Variants in CEACAM1 observed in about 807,000 individuals in gnomAD.
CEACAM1 encodes CEA cell adhesion molecule 1.
A neutral mutation model predicts 49.1 loss-of-function variants in CEACAM1; 31 were observed. That is an observed-to-expected ratio of 0.63 (90% CI 0.47 to 0.85). CEACAM1 has a LOEUF of 0.85. CEACAM1 is among the 40% of genes least tolerant of loss of function. The pLI is 0.00. For missense variants in CEACAM1, 570 were observed against 645.3 expected (o/e 0.88, Z 1.26); for synonymous variants, 244 against 247.8 (o/e 0.98, Z 0.14).
intron 6 of CEACAM1, 22 bp downstream of exon 6, chr19:42,512,328 A>G (rs764697318): frequency 1.2e-6 from 2 of 1,613,834 alleles, no homozygotes; most frequent in South Asian, 1.1e-5. Context: ...AGGAAACAGA[A>G]CAAGAGGAAA....
chr19:42,511,191 C>A, intron 7 of CEACAM1: 1 of 578,980 alleles, frequency 1.7e-6, no homozygotes, highest in South Asian at 2.2e-5. Context: ...GCAACATGCT[C>A]CAGTGGCAAG....
chr19:42,527,918 A>C (rs2041936860), intron 1 of CEACAM1: 1 of 219,250 alleles, frequency 4.6e-6, no homozygotes, highest in African/African-American at 2.3e-5. Flanking sequence ...CCTGTGGATG[A>C]GTTAGTGAGC....
At chr19:42,522,253 C>T (rs1273316713) in intron 2 of CEACAM1, 51 bp from the exon 3 acceptor site, 20 of 1,584,094 alleles carry the variant, frequency 1.3e-5, no homozygotes, top group Non-Finnish European at 1.6e-5. Flanking sequence ...TTTGATTCCT[C>T]CACAGGCATT....
chr19:42,511,721 A>G, intron 6 of CEACAM1, 93 bp from the exon 7 acceptor site: 1 of 1,203,920 alleles, frequency 8.3e-7, no homozygotes, highest in South Asian at 1.2e-5. Context: ...GTAATTCCTT[A>G]GAGTCCTTGA....
intron 5 of CEACAM1, chr19:42,518,700 C>T (rs956577641): frequency 1.1e-5 from 5 of 460,376 alleles, no homozygotes; most frequent in African/African-American, 1.0e-4. Context: ...CGGGGTTTCA[C>T]CATATTAGCC....
At chr19:42,522,840 T>A (rs1467718090) in intron 2 of CEACAM1, among the ~76,000 whole-genome samples, 1 of 152,112 alleles carries the variant, frequency 6.6e-6, no homozygotes, top group Non-Finnish European at 1.5e-5. Context: ...GTCCGGGCAT[T>A]TTTCAATCAG....
rs546693791 is a variant in CEACAM1 at position 42,521,488 on chromosome 19, T to A, written c.737A>T (p.Asp246Val). 51 of 1,614,038 alleles carry A rather than the reference T, an allele frequency of 3.2e-5. No homozygotes were observed. The South Asian group carries it at 4.9e-4, about 16-fold the overall frequency. Residue 246 changes from aspartate to valine, a missense_variant, in exon 4 of 9, where the codon GAC (aspartate) becomes GTC (valine). Transcript: ENST00000161559. ...GTTTGCCCCTGGACGGTAATAGGTGTCTGAAGGGGAAATGGTGGGGGTGTC... is the reference window on the plus strand; with the variant it reads ...GTTTGCCCCTGGACGGTAATAGGTGACTGAAGGGGAAATGGTGGGGGTGTC... ...GPDTPTISPSDTYYRPGANLS... is the reference protein window; with the variant it reads ...GPDTPTISPSVTYYRPGANLS...
intron 3 of CEACAM1, 74 bp downstream of exon 3, chr19:42,521,850 A>T (rs1476062784): frequency 9.9e-6 from 16 of 1,609,594 alleles, no homozygotes; most frequent in Non-Finnish European, 1.2e-5. Context: ...CCTGAGAGGG[A>T]CTGAGAGGCC....
At chr19:42,526,912 C>T (rs985267148) in intron 2 of CEACAM1, 129 bp downstream of exon 2, 2 of 1,440,740 alleles carry the variant, frequency 1.4e-6, no homozygotes, top group Non-Finnish European at 1.9e-6. Context: ...GTGTCCTGCA[C>T]TAGATGCTCA....
At chr19:42,517,678 G>A (rs961071743) in intron 5 of CEACAM1, among the ~76,000 whole-genome samples, 13 of 152,154 alleles carry the variant, frequency 8.5e-5, no homozygotes, top group Non-Finnish European at 1.3e-4. Flanking sequence ...AAACCAGAAA[G>A]CAACAAATGT....
At chr19:42,523,668 G>A (rs894737504) in intron 2 of CEACAM1, among the ~76,000 whole-genome samples, 4 of 152,228 alleles carry the variant, frequency 2.6e-5, no homozygotes, top group African/African-American at 4.8e-5. Flanking sequence ...CTCATGGACC[G>A]TGTGTGTTTG....
At chr19:42,516,803 C>T (rs565676352) in intron 5 of CEACAM1, 19 of 370,732 alleles carry the variant, frequency 5.1e-5, no homozygotes, top group Admixed American at 7.7e-5. Flanking sequence ...GAGGTGGAGG[C>T]GGGTGGATTG....
chr19:42,509,332 A>G (rs2041398221), intron 8 of CEACAM1, 104 bp from the exon 9 acceptor site: 1 of 1,371,056 alleles, frequency 7.3e-7, no homozygotes, highest in African/African-American at 1.5e-5. Flanking sequence ...TTGAAATTTT[A>G]GCTCTGGAGA....
chr19:42,522,449 C>T (rs140419796), intron 2 of CEACAM1, among the ~76,000 whole-genome samples: 1,619 of 149,356 alleles, frequency 0.011, 15 homozygotes, highest in Middle Eastern at 0.018. Flanking sequence ...GGGGTTTCAC[C>T]GTGTTGCCCA....
chr19:42,512,220 T>C, intron 6 of CEACAM1, 130 bp downstream of exon 6: 1 of 1,022,616 alleles, frequency 9.8e-7, no homozygotes, highest in Non-Finnish European at 1.4e-6. Context: ...TGGGAATTAG[T>C]GCCGAGAAGC....
At chr19:42,513,321 G>A (rs1441805422) in intron 5 of CEACAM1, among the ~76,000 whole-genome samples, 1 of 152,138 alleles carries the variant, frequency 6.6e-6, no homozygotes, top group Non-Finnish European at 1.5e-5. Flanking sequence ...ACTGCAGGCC[G>A]GGCGCGGTGG....
chr19:42,509,116 T>C lies in CEACAM1; in HGVS notation c.1574A>G (p.Lys525Arg). ...TGAGCAGGACAGGTTTCATTACTGC[T>C]TTTTTACTTCTGAATAAATTATTTC... ...ATEIIYSEVK[K>R]Q Residue 525 changes from lysine to arginine, a missense_variant, in exon 9 of 9, where the codon AAG becomes AGG. Transcript: ENST00000161559. 1 of 1,613,882 alleles carries C rather than the reference T, an allele frequency of 6.2e-7. No homozygotes were observed. Among genetic ancestry groups the C allele is most frequent in the East Asian group, 2.2e-5 (1 of 44,882 alleles).
chr19:42,522,924 G>A (rs1029108403), intron 2 of CEACAM1, among the ~76,000 whole-genome samples: 2 of 152,230 alleles, frequency 1.3e-5, no homozygotes, highest in African/African-American at 4.8e-5. Flanking sequence ...TCACAAGACA[G>A]ATGTGCAATG....
Position 42,521,917 on chromosome 19 carries a change from TACTC to T in CEACAM1, c.703+3_703+6del. The T allele has an allele frequency of 6.2e-7, 1 of 1,614,206 alleles. No individual in the cohort carries two copies. Among genetic ancestry groups the T allele is most frequent in the Non-Finnish European group, 8.5e-7 (1 of 1,180,040 alleles). On this transcript the variant is annotated splice_donor_5th_base_variant and intron_variant, in intron 3 of 8. Transcript: ENST00000161559. Reference sequence around the variant, plus strand: ...GCCTGGGCCACAGAGGAACAGAAGATACTCACAGGTGACATTCAAGGTGACTGGG... The same window carrying T: ...GCCTGGGCCACAGAGGAACAGAAGATACAGGTGACATTCAAGGTGACTGGG...
Sources: gnomAD v4.1 joint callset for allele counts (sites outside exome capture counted in the v4.1 genomes callset) on GRCh38, gnomAD v4.1.1 for gene constraint, MANE v1.5 for transcripts, NCBI Gene and HGNC (gene_info 2026-07-23, HGNC 2026-07-21) for gene names.